The following MIGA1 variants were observed in gnomAD, a reference collection of about 807,000 sequenced individuals.
The protein encoded by MIGA1 is mitoguardin 1.
A neutral mutation model predicts 82.0 loss-of-function variants in MIGA1; 58 were observed. That is an observed-to-expected ratio of 0.71 (90% confidence interval 0.57 to 0.88). The LOEUF (loss-of-function observed/expected upper bound fraction) is 0.88. Ranked by LOEUF, MIGA1 falls within the 40% of genes least tolerant of loss-of-function variation. The pLI, the probability that MIGA1 is intolerant of heterozygous loss-of-function variation, is 0.00. For missense variants in MIGA1, 751 were observed against 749.1 expected (o/e 1.00, Z -0.03); for synonymous variants, 249 against 253.6 (o/e 0.98, Z 0.17).
At chr1:77,835,576 T>C (rs1273425095) in intron 7 of MIGA1, among the ~76,000 whole-genome samples, 1 of 152,180 alleles carries the variant, frequency 6.6e-6, no homozygotes, top group Non-Finnish European at 1.5e-5. Context: ...TTATCATTCA[T>C]TAAGGAGTGT....
chr1:77,843,258 C>T (rs1684692295), intron 7 of MIGA1, 49 bp from the exon 8 acceptor site: 1 of 1,318,660 alleles, frequency 7.6e-7, no homozygotes, highest in Non-Finnish European at 1.1e-6. Context: ...TGAAATACCA[C>T]AATGATGTGG....
At chr1:77,803,531 T>A in intron 4 of MIGA1, 125 bp downstream of exon 4, 1 of 431,576 alleles carries the variant, frequency 2.3e-6, no homozygotes, top group Non-Finnish European at 3.9e-6. Flanking sequence ...CGTCTGAATG[T>A]GCTTTCTTTA....
At chr1:77,814,051 G>A (rs577609159) in intron 6 of MIGA1, among the ~76,000 whole-genome samples, 184 bp downstream of exon 6, 1 of 151,968 alleles carries the variant, frequency 6.6e-6, no homozygotes, top group African/African-American at 2.4e-5. Context: ...CACCATGCCA[G>A]GCTAATTTTA....
At chr1:77,811,669 A>G (rs905859938) in intron 5 of MIGA1, 3 of 1,611,964 alleles carry the variant, frequency 1.9e-6, no homozygotes, top group Admixed American at 1.7e-5. Flanking sequence ...ATGTCTTGCT[A>G]ATATCTGATA....
At chr1:77,828,467 G>A (rs191838912) in intron 7 of MIGA1, among the ~76,000 whole-genome samples, 1 of 152,086 alleles carries the variant, frequency 6.6e-6, no homozygotes, top group Non-Finnish European at 1.5e-5. Context: ...GACAAGATGG[G>A]TATCATTAAG....
intron 15 of MIGA1, among the ~76,000 whole-genome samples, chr1:77,874,365 C>T (rs1646877384): frequency 6.6e-6 from 1 of 151,552 alleles, no homozygotes; most frequent in South Asian, 2.1e-4. Context: ...AAAAAAAGCA[C>T]ATTTAAAATT....
At chr1:77,817,193 A>G (rs1443936515) in intron 7 of MIGA1, among the ~76,000 whole-genome samples, 1 of 152,164 alleles carries the variant, frequency 6.6e-6, no homozygotes, top group Admixed American at 6.5e-5. Context: ...TCTTCAGGTT[A>G]AAAGGATTCC....
At chr1:77,834,957 T>A (rs906040377) in intron 7 of MIGA1, among the ~76,000 whole-genome samples, 1 of 152,218 alleles carries the variant, frequency 6.6e-6, no homozygotes, top group African/African-American at 2.4e-5. Flanking sequence ...GCTCCTGTTA[T>A]AAAATCTGCA....
At chr1:77,839,774 G>A (rs1274127059) in intron 7 of MIGA1, among the ~76,000 whole-genome samples, 1 of 151,500 alleles carries the variant, frequency 6.6e-6, no homozygotes, top group African/African-American at 2.4e-5. Context: ...ACGGACCCTT[G>A]CTCTGTCACC....
At chr1:77,779,914 C>G in intron 1 of MIGA1, 178 bp downstream of exon 1, 1 of 1,394,930 alleles carries the variant, frequency 7.2e-7, no homozygotes, top group Non-Finnish European at 9.3e-7. Flanking sequence ...GGCCGTGCCA[C>G]CCTGAACACC....
At chr1:77,858,277 A>T (rs1479468260) in intron 8 of MIGA1, among the ~76,000 whole-genome samples, 1 of 151,854 alleles carries the variant, frequency 6.6e-6, no homozygotes, top group Non-Finnish European at 1.5e-5. Context: ...AACCTGGGCG[A>T]TGGAGGCTGC....
Position 77,875,043 on chromosome 1 carries a change from A to G in MIGA1, c.1878A>G (p.Leu626=). 6.2e-7 allele frequency: 1 copy of G among 1,613,790 alleles called. No individual in the cohort carries two copies. Among genetic ancestry groups the G allele is most frequent in the Non-Finnish European group, 8.5e-7 (1 of 1,179,722 alleles). Residue 626 remains leucine, a synonymous_variant, in exon 16 of 16, where the codon CTA becomes CTG. Transcript: ENST00000370791. ...ATGGTCATGTTATGTCCACTGGGCT[A>G]CTGGAAGCCAAAGTACAATAAGTAC...
intron 5 of MIGA1, among the ~76,000 whole-genome samples, chr1:77,812,295 C>A (rs1683372503): frequency 6.6e-6 from 1 of 152,074 alleles, no homozygotes; most frequent in South Asian, 2.1e-4. Flanking sequence ...ATGGTGAAAC[C>A]CCATCTCTAC....
intron 8 of MIGA1, chr1:77,848,449 A>C: frequency 1.1e-6 from 1 of 944,542 alleles, no homozygotes; most frequent in South Asian, 1.6e-5. Flanking sequence ...AGAGAAAAAC[A>C]AGAAGTAAGT....
intron 7 of MIGA1, 73 bp from the exon 8 acceptor site, chr1:77,843,234 C>A: frequency 9.0e-7 from 1 of 1,107,278 alleles, no homozygotes; most frequent in Non-Finnish European, 1.3e-6. Context: ...AAATCAAAAT[C>A]AAACTATGGA....
intron 1 of MIGA1, 25 bp downstream of exon 1, chr1:77,779,761 G>A (rs1681814138): frequency 3.2e-6 from 5 of 1,540,008 alleles, no homozygotes; most frequent in Non-Finnish European, 8.8e-7. Flanking sequence ...GCGGGGTGGG[G>A]TGGAGAGGCG....
chr1:77,793,895 T>A (rs573869059), intron 2 of MIGA1, among the ~76,000 whole-genome samples: 49 of 149,658 alleles, frequency 3.3e-4, no homozygotes, highest in African/African-American at 1.1e-3. Flanking sequence ...CAAGCAATTC[T>A]CGTGCTTCAG....
chr1:77,788,088 C>T (rs370987294), intron 2 of MIGA1, among the ~76,000 whole-genome samples: 9 of 151,450 alleles, frequency 5.9e-5, no homozygotes, highest in South Asian at 2.1e-4. Flanking sequence ...CTGCAACCTC[C>T]GCCTCCTGGG....
intron 8 of MIGA1, among the ~76,000 whole-genome samples, chr1:77,844,882 T>G (rs905285319): frequency 3.9e-5 from 6 of 152,158 alleles, no homozygotes; most frequent in Non-Finnish European, 7.3e-5. Context: ...CTCAGGAGGC[T>G]GAGGCACAAG....
Sources: gnomAD v4.1 joint callset for allele counts (sites outside exome capture counted in the v4.1 genomes callset) on GRCh38, gnomAD v4.1.1 for gene constraint, MANE v1.5 for transcripts, NCBI Gene and HGNC (gene_info 2026-07-23, HGNC 2026-07-21) for gene names.